PSIP1: variants seen among roughly 807,000 people sequenced by gnomAD.
PSIP1 encodes the protein PC4 and SFRS1-interacting protein.
Under a neutral mutation model 74.7 loss-of-function variants are expected in PSIP1, and 19 were observed. The ratio of observed to expected loss-of-function variants is 0.25; its 90% CI spans 0.18 to 0.37. PSIP1 has a LOEUF of 0.37. Ranked by LOEUF, PSIP1 falls within the 10% of genes least tolerant of loss-of-function variation. The pLI, the probability that PSIP1 is intolerant of heterozygous loss-of-function variation, is 1.00. For missense variants in PSIP1, 601 were observed against 614.3 expected (o/e 0.98, Z 0.23); for synonymous variants, 222 against 195.3 (o/e 1.14, Z -1.14).
chr9:15,509,811 T>C (rs1301866116), intron 2 of PSIP1, among the ~76,000 whole-genome samples: 1 of 152,250 alleles, frequency 6.6e-6, no homozygotes, highest in Non-Finnish European at 1.5e-5. Context: ...AAACAAAAAT[T>C]CACTCTTCAT....
intron 10 of PSIP1, among the ~76,000 whole-genome samples, chr9:15,470,210 G>A (rs2035766881): frequency 1.3e-5 from 2 of 152,146 alleles, no homozygotes; most frequent in African/African-American, 4.8e-5. Context: ...TGGCTTTTCA[G>A]TGACATCACA....
intron 3 of PSIP1, among the ~76,000 whole-genome samples, chr9:15,497,025 C>T (rs994774987): frequency 2.6e-5 from 4 of 152,042 alleles, no homozygotes; most frequent in Non-Finnish European, 5.9e-5. Flanking sequence ...TTTCTCAAAA[C>T]GTTAAACGTG....
In PSIP1 at chr9:15,465,539, T is replaced by A; in HGVS notation, c.1574A>T (p.Asp525Val). The change falls in exon 16 of 16, where the codon GAT becomes GTT. Residue 525 changes from aspartate to valine, a missense_variant. Asp to Val is a radical substitution (Grantham distance 152). Coordinates refer to ENST00000380733, the MANE Select transcript of PSIP1 (RefSeq NM_033222.5). Reference sequence around the variant, plus strand: ...GTCAACCTAGTTATCTAGTGTAGAATCCTTCAGAGATATTTCAGTCTCTCT... The same window carrying A: ...GTCAACCTAGTTATCTAGTGTAGAAACCTTCAGAGATATTTCAGTCTCTCT... ...EERETEISLKDSTLDN is the reference protein window; with the variant it reads ...EERETEISLKVSTLDN 1 of 1,580,152 alleles carries A rather than the reference T, an allele frequency of 6.3e-7. No individual in the cohort carries two copies. Among genetic ancestry groups the A allele is most frequent in the Admixed American group, 1.7e-5 (1 of 58,474 alleles).
chr9:15,474,855 C>T (rs2036006702), intron 8 of PSIP1, among the ~76,000 whole-genome samples: 1 of 152,148 alleles, frequency 6.6e-6, no homozygotes, highest in Admixed American at 6.6e-5. Context: ...AATTCTTTTA[C>T]AAATAAATAC....
intron 3 of PSIP1, among the ~76,000 whole-genome samples, chr9:15,490,420 C>T (rs930665321): frequency 3.3e-5 from 5 of 152,140 alleles, no homozygotes; most frequent in Admixed American, 6.5e-5. Context: ...TGGTGCCTTA[C>T]GCCTGTAATC....
chr9:15,472,249 TG>T, intron 10 of PSIP1: 1 of 994,144 alleles, frequency 1.0e-6, no homozygotes, highest in Non-Finnish European at 1.2e-6. Flanking sequence ...GCCTGCTTGG[TG>T]GTGTGATGAA....
intron 15 of PSIP1, chr9:15,465,956 T>C (rs892929207): frequency 1.3e-4 from 22 of 171,260 alleles, no homozygotes; most frequent in African/African-American, 4.7e-4. Flanking sequence ...GATACACACA[T>C]AGACAACAAG....
chr9:15,506,478 G>T, intron 3 of PSIP1, 83 bp downstream of exon 3: 2 of 970,328 alleles, frequency 2.1e-6, no homozygotes, highest in Non-Finnish European at 3.1e-6. Context: ...ATTACGTTAC[G>T]ATTTCCCCCT....
At chr9:15,479,778 G>A (rs988309711) in intron 6 of PSIP1, 91 bp from the exon 7 acceptor site, 8 of 935,248 alleles carry the variant, frequency 8.6e-6, no homozygotes, top group South Asian at 2.9e-5. Context: ...CTATGGTAAC[G>A]TTGAGTTCAA....
At chr9:15,472,417 T>A (rs2035877366) in intron 10 of PSIP1, 5 of 1,354,508 alleles carry the variant, frequency 3.7e-6, no homozygotes, top group Non-Finnish European at 4.7e-6. Flanking sequence ...TCAAAAATAA[T>A]TCACAGAGTG....
intron 8 of PSIP1, among the ~76,000 whole-genome samples, chr9:15,475,791 G>A (rs1017260749): frequency 6.6e-6 from 1 of 152,114 alleles, no homozygotes; most frequent in Non-Finnish European, 1.5e-5. Context: ...TTTCCCAGTG[G>A]TTCTTCCATG....
At chr9:15,470,766 A>G in intron 10 of PSIP1, 1 of 975,972 alleles carries the variant, frequency 1.0e-6, no homozygotes, top group Non-Finnish European at 1.2e-6. Flanking sequence ...CAACAAAGGA[A>G]TGTCAAGAGA....
chr9:15,488,141 C>G (rs2036636647), intron 4 of PSIP1, among the ~76,000 whole-genome samples: 1 of 150,650 alleles, frequency 6.6e-6, no homozygotes, highest in Admixed American at 6.6e-5. Flanking sequence ...CTGGCCTGGC[C>G]AAGATGGTGA....
rs781727072 is a variant in PSIP1, at chr9:15,465,472, A to C, written c.*48T>G. The C allele has an allele frequency of 1.7e-5, 24 of 1,440,212 alleles. No homozygotes were observed. Among genetic ancestry groups the C allele is most frequent in the Non-Finnish European group, 2.2e-5 (23 of 1,047,330 alleles). The allele number at this position is 1,440,212 out of a possible 1,614,324, so 89.2% of individuals were successfully genotyped here. A position where few individuals can be genotyped will look rare whatever the true frequency, so the allele number is the denominator to read the frequency against. ...CTTTCAGCAGTCTATTTCAAATGAAAACCATTACAAACTTCTCAAGTGTTC... is the reference window on the plus strand; with the variant it reads ...CTTTCAGCAGTCTATTTCAAATGAACACCATTACAAACTTCTCAAGTGTTC... On this transcript the variant is annotated 3_prime_UTR_variant, in exon 16 of 16. Transcript: ENST00000380733.
intron 8 of PSIP1, among the ~76,000 whole-genome samples, chr9:15,474,593 T>C (rs771679750): frequency 1.3e-5 from 2 of 152,082 alleles, no homozygotes; most frequent in Non-Finnish European, 2.9e-5. Flanking sequence ...AACTTAAGCA[T>C]ATGATAAATA....
chr9:15,502,753 G>C (rs1327417397), intron 3 of PSIP1, among the ~76,000 whole-genome samples: 1 of 152,218 alleles, frequency 6.6e-6, no homozygotes, highest in Non-Finnish European at 1.5e-5. Context: ...CTTGGCTTCA[G>C]TAAGAATTGA....
intron 10 of PSIP1, 33 bp downstream of exon 10, chr9:15,472,599 G>T (rs778794056): frequency 2.6e-6 from 4 of 1,560,492 alleles, no homozygotes; most frequent in African/African-American, 2.8e-5. Context: ...CCTTTAAAAA[G>T]AACCCAAAAT....
At chr9:15,509,118 C>T (rs899766881) in intron 2 of PSIP1, among the ~76,000 whole-genome samples, 6 of 152,194 alleles carry the variant, frequency 3.9e-5, no homozygotes, top group Admixed American at 2.0e-4. Flanking sequence ...CACCATTCCC[C>T]TGCTGACATA....
Position 15,471,368 on chromosome 9 carries a change from G to C in PSIP1, c.977+1264C>G, listed in dbSNP as rs1296710799. The C allele has an allele frequency of 3.9e-6, 6 of 1,549,036 alleles. No homozygotes were observed. In the East Asian group the frequency reaches 9.1e-5, roughly 24 times the overall value. On this transcript the variant is annotated intron_variant, in intron 10 of 15. Coordinates refer to ENST00000380733, the MANE Select transcript of PSIP1 (RefSeq NM_033222.5). ...AGAAGGAAAGAAAACACAAATATTA[G>C]AATTTGAGAAAGTTACATTGGAGGA...
Sources: gnomAD v4.1 joint callset for allele counts (sites outside exome capture counted in the v4.1 genomes callset) on GRCh38, gnomAD v4.1.1 for gene constraint, MANE v1.5 for transcripts, NCBI Gene and HGNC (gene_info 2026-07-23, HGNC 2026-07-21) for gene names.